The following ASCC2 variants were observed in gnomAD, a reference collection of about 807,000 sequenced individuals.
ASCC2 encodes ASC-1 complex subunit P100.
In ASCC2, 42 loss-of-function variants were observed where a neutral mutation model predicts 93.5. That is an observed-to-expected ratio of 0.45 (90% CI 0.35 to 0.58). The LOEUF is 0.58. ASCC2 is among the 20% of genes least tolerant of loss of function. ASCC2 has a pLI of 0.00. For synonymous variants in ASCC2, 364 were observed against 384.2 expected, an observed-to-expected ratio of 0.95 and a Z score of 0.62; for missense variants, 859 against 977.6, an observed-to-expected ratio of 0.88 and a Z score of 1.62.
intron 2 of ASCC2, among the ~76,000 whole-genome samples, chr22:29,827,856 G>GACACACAC (rs5844871): frequency 2.3e-5 from 1 of 43,148 alleles, no homozygotes; most frequent in Non-Finnish European, 5.0e-5. Context: ...TCATTCTCCT[G>GACACACAC]ACACACACAC....
intron 15 of ASCC2, among the ~76,000 whole-genome samples, chr22:29,795,316 C>T (rs114695535): frequency 1.3e-5 from 2 of 152,144 alleles, no homozygotes; most frequent in East Asian, 1.9e-4. Context: ...TCTGCTTCAG[C>T]CTTCCAAAAT....
chr22:29,830,094 C>T (rs2062938432), intron 2 of ASCC2, among the ~76,000 whole-genome samples: 2 of 152,160 alleles, frequency 1.3e-5, no homozygotes, highest in Non-Finnish European at 2.9e-5. Context: ...AACTCATCTG[C>T]CTTCCCACCA....
intron 2 of ASCC2, among the ~76,000 whole-genome samples, chr22:29,828,622 C>T (rs1314450967): frequency 1.3e-5 from 2 of 152,156 alleles, no homozygotes; most frequent in Admixed American, 1.3e-4. Flanking sequence ...TCCCTGACTC[C>T]CATCCCAGCT....
rs2068518761 is a variant in ASCC2, at chr22:29,789,104, C to G, written c.2183G>C (p.Arg728Thr). 6.2e-7 allele frequency: 1 copy of G among 1,614,086 alleles called. No homozygotes were observed. The highest frequency in any genetic ancestry group is 8.5e-7 in the Non-Finnish European group (1 of 1,180,030). ...GQSRETTQER[R>T]KKEANKATRA... Reference sequence around the variant, plus strand: ...TGTCGCCTTGTTGGCTTCCTTCTTCCTGCGTTCCTGGGTTGTCTCGCGGCT... The same window carrying G: ...TGTCGCCTTGTTGGCTTCCTTCTTCGTGCGTTCCTGGGTTGTCTCGCGGCT... The change falls in exon 20 of 20, where the codon AGG becomes ACG. Residue 728 changes from arginine to threonine, a missense_variant. Physicochemically the swap from Arg to Thr is moderately conservative, Grantham distance 71. Coordinates refer to ENST00000307790, the MANE Select transcript of ASCC2 (RefSeq NM_032204.5).
chr22:29,832,399 G>T, intron 1 of ASCC2, 57 bp from the exon 2 acceptor site: 2 of 1,361,724 alleles, frequency 1.5e-6, no homozygotes, highest in Non-Finnish European at 2.1e-6. Flanking sequence ...TGGGGGCAGG[G>T]CCTGCTCTGG....
intron 18 of ASCC2, among the ~76,000 whole-genome samples, 155 bp downstream of exon 18, chr22:29,792,278 C>T (rs1188512724): frequency 2.6e-5 from 4 of 152,116 alleles, no homozygotes; most frequent in African/African-American, 9.7e-5. Flanking sequence ...AGTAGCTCTC[C>T]AAGCAGACAT....
At chr22:29,827,686 C>T (rs575723950) in intron 2 of ASCC2, 13 of 455,330 alleles carry the variant, frequency 2.9e-5, no homozygotes, top group East Asian at 2.8e-4. Flanking sequence ...TCCAAGCTTC[C>T]TCCCTCTTCT....
chr22:29,789,044 C>T lies in ASCC2; in HGVS notation c.2243G>A (p.Arg748His), dbSNP rs140034829. Reference protein sequence around the residue: ...ANHNRRTMADRKRSKGMIPS With the variant: ...ANHNRRTMADHKRSKGMIPS ...TGGGATCATGCCTTTGCTCCTCTTGCGGTCGGCCATGGTTCTCCGGTTGTG... is the reference window on the plus strand; with the variant it reads ...TGGGATCATGCCTTTGCTCCTCTTGTGGTCGGCCATGGTTCTCCGGTTGTG... The change falls in exon 20 of 20, where the codon CGC becomes CAC. Residue 748 changes from arginine (R) to histidine (H), a missense_variant. Coordinates refer to ENST00000307790, the MANE Select transcript of ASCC2 (RefSeq NM_032204.5). 14 of 1,614,070 alleles carry T rather than the reference C, an allele frequency of 8.7e-6. No individual in the cohort carries two copies. The highest frequency in any genetic ancestry group is 1.7e-5 in the Admixed American group (1 of 60,004).
At position 29,814,600 on chromosome 22, in the gene ASCC2, T is replaced by C. The variant is rs1399940206; in HGVS notation, c.720+57A>G. 2.8e-6 allele frequency: 4 copies of C among 1,433,010 alleles called. No homozygotes were observed. The Admixed American group carries it at 8.9e-5, about 32-fold the overall frequency. The allele number at this position is 1,433,010 out of a possible 1,614,324, so 88.8% of individuals were successfully genotyped here. ...GCAATCTTCCCAGCCTCTGGGTAGC[T>C]AGGCCCTGGTTGGAGGGACCCGGCA... On this transcript the variant is annotated intron_variant, in intron 7 of 19. Transcript: ENST00000307790.
Position 29,825,360 on chromosome 22 carries a change from CA to C in ASCC2, c.241-104del. 1 of 1,395,648 alleles carries C rather than the reference CA, an allele frequency of 7.2e-7. No individual in the cohort carries two copies. The highest frequency in any genetic ancestry group is 9.7e-7 in the Non-Finnish European group (1 of 1,027,870). The allele number at this position is 1,395,648 out of a possible 1,614,324, so 86.5% of individuals were successfully genotyped here. A position where few individuals can be genotyped will look rare whatever the true frequency, so the allele number is the denominator to read the frequency against. ...AATGCCCATCAGCCCTGCCCTATTCCAAACACTCCGACCCCAAGGGACCAAG... is the reference window on the plus strand; with the variant it reads ...AATGCCCATCAGCCCTGCCCTATTCCAACACTCCGACCCCAAGGGACCAAG... On this transcript the variant is annotated intron_variant, in intron 3 of 19. Coordinates refer to ENST00000307790, the MANE Select transcript of ASCC2 (RefSeq NM_032204.5). This position sits in a 1 kb window ranked among gnomAD's most constrained non-coding sequence, Gnocchi z 4.9.
chr22:29,790,491 T>G lies in ASCC2; in HGVS notation c.2080A>C (p.Met694Leu), dbSNP rs372955044. ...CACCCTTTCTTGGCGAGAAAGGCCA[T>G]GCGCCTGGCTTCTGCCTTCTCTCTC... ...VLREKAEARR[M>L]AFLAKKGYRH... The change falls in exon 19 of 20, where the codon ATG becomes CTG. Residue 694 changes from methionine (M) to leucine (L), a missense_variant. Coordinates refer to ENST00000307790, the MANE Select transcript of ASCC2 (RefSeq NM_032204.5). 1 of 1,614,084 alleles carries G rather than the reference T, an allele frequency of 6.2e-7. No homozygotes were observed. The highest frequency in any genetic ancestry group is 8.5e-7 in the Non-Finnish European group (1 of 1,180,026).
rs1223473493 is a variant in ASCC2, at chr22:29,801,083, C to T, written c.1596G>A (p.Leu532=). 7.5e-6 allele frequency: 12 copies of T among 1,607,478 alleles called. No homozygotes were observed. Among genetic ancestry groups the T allele is most frequent in the Non-Finnish European group, 1.0e-5 (12 of 1,174,726 alleles). The change falls in exon 15 of 20, where the codon CTG becomes CTA. Residue 532 remains leucine, a synonymous_variant. Coordinates refer to ENST00000307790, the MANE Select transcript of ASCC2 (RefSeq NM_032204.5). ...DREMKPDPTP[L]LTSRHNVFQN... ...GGAAGACGTTGTGGCGAGACGTCAG[C>T]AGGGGTGTAGGGTCTGGTTTCATTT...
chr22:29,807,793 C>T (rs1416286448), intron 9 of ASCC2, among the ~76,000 whole-genome samples: 1 of 152,060 alleles, frequency 6.6e-6, no homozygotes, highest in Non-Finnish European at 1.5e-5. Context: ...CCTATAATCC[C>T]AGCTACTCGG....
At chr22:29,830,600 C>G (rs964399921) in intron 2 of ASCC2, among the ~76,000 whole-genome samples, 2 of 152,226 alleles carry the variant, frequency 1.3e-5, no homozygotes, top group Non-Finnish European at 2.9e-5. Context: ...CCTACACACC[C>G]CACTGGTCTG....
chr22:29,820,029 A>AT (rs923943333), intron 5 of ASCC2, among the ~76,000 whole-genome samples: 6 of 151,944 alleles, frequency 3.9e-5, no homozygotes, highest in African/African-American at 9.7e-5. Context: ...CTAATTTTTA[A>AT]TTTTTTGTAG....
At chr22:29,813,731 C>T (rs555104673) in intron 7 of ASCC2, among the ~76,000 whole-genome samples, 189 bp from the exon 8 acceptor site, 2 of 152,284 alleles carry the variant, frequency 1.3e-5, no homozygotes, top group East Asian at 1.9e-4. Context: ...GGGTGAGTCA[C>T]CTAACCTCTC....
At chr22:29,811,158 C>T (rs534801248) in intron 8 of ASCC2, among the ~76,000 whole-genome samples, 1 of 152,322 alleles carries the variant, frequency 6.6e-6, no homozygotes, top group South Asian at 2.1e-4. Flanking sequence ...GTGCTTAATG[C>T]ACTGATGTGG....
intron 1 of ASCC2, among the ~76,000 whole-genome samples, chr22:29,835,404 TA>T (rs778607436): frequency 3.0e-3 from 422 of 140,662 alleles, no homozygotes; most frequent in Non-Finnish European, 3.4e-3. Flanking sequence ...TCCCAAAATT[TA>T]AAAAAAAAAA....
chr22:29,789,931 C>T (rs1249223835), intron 19 of ASCC2, among the ~76,000 whole-genome samples: 4 of 152,180 alleles, frequency 2.6e-5, no homozygotes, highest in African/African-American at 9.7e-5. Flanking sequence ...TCTCTGGGTA[C>T]TGATCTCAGC....
Sources: allele counts gnomAD v4.1 joint callset (sites outside exome capture counted in the v4.1 genomes callset), GRCh38; gene constraint gnomAD v4.1.1; non-coding constraint Gnocchi (gnomAD v3.1); transcripts MANE v1.5; gene names NCBI Gene and HGNC (gene_info 2026-07-23, HGNC 2026-07-21).